The following QTGAL variants were observed in gnomAD, a reference collection of about 807,000 sequenced individuals.
The protein encoded by QTGAL is queuosine-tRNA galactosyltransferase.
the QTGAL span, among the ~76,000 whole-genome samples, chr17:83,042,641 A>T: frequency 6.6e-6 from 1 of 152,200 alleles, no homozygotes; most frequent in Admixed American, 6.5e-5. Flanking sequence ...TTGAGGAATA[A>T]AAAAGACATA....
chr17:82,951,382 G>A, the QTGAL span, among the ~76,000 whole-genome samples: 1 of 152,178 alleles, frequency 6.6e-6, no homozygotes, highest in Non-Finnish European at 1.5e-5. Flanking sequence ...TCAAACTTAT[G>A]TTCACAGCTT....
chr17:82,978,105 C>T, the QTGAL span, among the ~76,000 whole-genome samples: 4 of 152,132 alleles, frequency 2.6e-5, no homozygotes, highest in Admixed American at 6.5e-5. This position sits in a 1 kb window ranked among gnomAD's most constrained non-coding sequence, Gnocchi z 4.8. Context: ...TTTAAAAAAG[C>T]ACGTGCTGTT....
At chr17:83,033,104 T>A in the QTGAL span, among the ~76,000 whole-genome samples, 1 of 152,222 alleles carries the variant, frequency 6.6e-6, no homozygotes, top group Non-Finnish European at 1.5e-5. Flanking sequence ...GAGGGACAGA[T>A]ACAGATAAAT....
chr17:82,961,081 T>C, the QTGAL span: 1 of 1,610,156 alleles, frequency 6.2e-7, no homozygotes, highest in Non-Finnish European at 8.5e-7. Flanking sequence ...CGTGGCCGCC[T>C]GTGGGTGGTG....
the QTGAL span, among the ~76,000 whole-genome samples, chr17:83,050,821 TAGGTGTGTGGGATGCGCAGGC>T: frequency 6.8e-6 from 1 of 147,574 alleles, no homozygotes; most frequent in Non-Finnish European, 1.5e-5. Context: ...GGTGTGCAGG[TAGGTGTGTGGGATGCGCAGGC>T]AGGTGTGCAC....
the QTGAL span, among the ~76,000 whole-genome samples, chr17:83,051,298 G>C: frequency 6.6e-6 from 1 of 150,616 alleles, no homozygotes; most frequent in Non-Finnish European, 1.5e-5. Context: ...GCGCAGGAGC[G>C]AGGCGGGAGC....
chr17:83,050,224 C>A, the QTGAL span, among the ~76,000 whole-genome samples: 3 of 151,994 alleles, frequency 2.0e-5, no homozygotes, highest in East Asian at 5.8e-4. Context: ...TACAAAATTA[C>A]CCTGGTGTGG....
chr17:83,002,757 T>C, the QTGAL span, among the ~76,000 whole-genome samples: 2 of 152,208 alleles, frequency 1.3e-5, no homozygotes, highest in South Asian at 4.1e-4. Context: ...CCACATCGCA[T>C]GCAGCAGCCT....
At chr17:82,972,881 A>C in the QTGAL span, among the ~76,000 whole-genome samples, 3 of 143,390 alleles carry the variant, frequency 2.1e-5, no homozygotes, top group African/African-American at 8.6e-5. Flanking sequence ...CCCGGTACTG[A>C]CCACACCACA....
At chr17:82,946,914 G>T in the QTGAL span, 1 of 1,567,532 alleles carries the variant, frequency 6.4e-7, no homozygotes, top group Non-Finnish European at 8.7e-7. Flanking sequence ...CAGCTGAAGT[G>T]AAGGAAGTCC....
At chr17:83,014,729 A>G in the QTGAL span, among the ~76,000 whole-genome samples, 3 of 152,368 alleles carry the variant, frequency 2.0e-5, no homozygotes, top group African/African-American at 7.2e-5. Flanking sequence ...CCCCAAGAAC[A>G]TATTTTAAAC....
the QTGAL span, among the ~76,000 whole-genome samples, chr17:83,016,770 A>AGGAGGGAGGAG: frequency 6.7e-6 from 1 of 149,518 alleles, no homozygotes; most frequent in Non-Finnish European, 1.5e-5. Context: ...GGGAGATGGA[A>AGGAGGGAGGAG]GGAGGGAGGA....
the QTGAL span, among the ~76,000 whole-genome samples, chr17:82,946,534 GA>G: frequency 7.2e-6 from 1 of 138,276 alleles, no homozygotes; most frequent in African/African-American, 2.5e-5. Context: ...GGTTGAAGGA[GA>G]AAAACTTGAC....
chr17:83,047,040 C>T, the QTGAL span, among the ~76,000 whole-genome samples: 1 of 152,204 alleles, frequency 6.6e-6, no homozygotes, highest in African/African-American at 2.4e-5. Context: ...AGAAAGCAGG[C>T]GAGTGGTTGC....
chr17:83,032,160 C>T, the QTGAL span, among the ~76,000 whole-genome samples: 11,502 of 63,854 alleles, frequency 0.18, 313 homozygotes, highest in African/African-American at 0.24. Flanking sequence ...GCCAGGCCTC[C>T]GACGCAGACC....
At chr17:82,959,601 C>CG in the QTGAL span, among the ~76,000 whole-genome samples, 1 of 151,710 alleles carries the variant, frequency 6.6e-6, no homozygotes, top group Non-Finnish European at 1.5e-5. Flanking sequence ...TGTCTCGGGG[C>CG]GGGGGGACGA....
the QTGAL span, among the ~76,000 whole-genome samples, chr17:83,044,139 C>T: frequency 2.0e-5 from 3 of 152,192 alleles, no homozygotes. Flanking sequence ...TTCTATGAGG[C>T]CAGTATTACT....
chr17:82,973,575 G>A, the QTGAL span, among the ~76,000 whole-genome samples: 13 of 152,032 alleles, frequency 8.6e-5, no homozygotes, highest in Non-Finnish European at 1.6e-4. Context: ...CTTGGGTGTC[G>A]TGGAGGCAGG....
the QTGAL span, chr17:83,014,655 A>C: frequency 1.1e-6 from 1 of 930,338 alleles, no homozygotes; most frequent in South Asian, 1.6e-5. Context: ...TCCCGGCTTC[A>C]ACTGATCCTC....
Sources: allele counts gnomAD v4.1 joint callset (sites outside exome capture counted in the v4.1 genomes callset), GRCh38; gene constraint gnomAD v4.1.1; non-coding constraint Gnocchi (gnomAD v3.1); transcripts MANE v1.5; gene names NCBI Gene and HGNC (gene_info 2026-07-23, HGNC 2026-07-21).